CSMD1: variants seen among roughly 807,000 people sequenced by gnomAD.
CSMD1 encodes the protein CUB and Sushi multiple domains 1, also known as CUB and sushi domain-containing protein 1.
A neutral mutation model predicts 417.5 loss-of-function variants in CSMD1; 213 were observed. The observed-to-expected ratio is 0.51, with a 90% CI of 0.46 to 0.57. The LOEUF is 0.57. Among genes scored for constraint, CSMD1 ranks in the 20% least tolerant of loss-of-function variants. CSMD1 has a pLI of 0.00. For synonymous variants in CSMD1, 2,862 were observed against 1,736.8 expected, an observed-to-expected ratio of 1.65 and a Z score of -16.11; for missense variants, 6,923 against 4,529.7, an observed-to-expected ratio of 1.53 and a Z score of -15.17.
intron 6 of CSMD1, among the ~76,000 whole-genome samples, chr8:3,725,793 C>G (rs978253330): frequency 7.9e-5 from 12 of 152,136 alleles, no homozygotes; most frequent in Non-Finnish European, 1.5e-4. Flanking sequence ...AACCATTGAT[C>G]TAGGAATCTT....
chr8:4,490,719 A>G (rs946618484), intron 2 of CSMD1, among the ~76,000 whole-genome samples: 2 of 152,206 alleles, frequency 1.3e-5, no homozygotes, highest in African/African-American at 4.8e-5. Context: ...CATGGGAGAC[A>G]ACAGAGGCCA....
chr8:4,458,085 C>A (rs1799595009), intron 2 of CSMD1, among the ~76,000 whole-genome samples: 1 of 152,014 alleles, frequency 6.6e-6, no homozygotes, highest in Admixed American at 6.6e-5. Flanking sequence ...GTTTTTAACT[C>A]CTTATATACT....
intron 12 of CSMD1, among the ~76,000 whole-genome samples, chr8:3,426,621 C>G (rs76692982): frequency 6.6e-6 from 1 of 152,156 alleles, no homozygotes; most frequent in Non-Finnish European, 1.5e-5. Flanking sequence ...TTGACACTGC[C>G]ACTTTCAAGG....
chr8:3,506,594 C>G (rs1048189917), intron 10 of CSMD1, among the ~76,000 whole-genome samples: 4 of 152,284 alleles, frequency 2.6e-5, no homozygotes, highest in African/African-American at 9.6e-5. Context: ...CTCTAAATAT[C>G]TCTATGTCTC....
At chr8:3,764,596 G>A (rs193204063) in intron 5 of CSMD1, among the ~76,000 whole-genome samples, 156 of 152,160 alleles carry the variant, frequency 1.0e-3, no homozygotes, top group Middle Eastern at 6.8e-3. Context: ...TCTCTTGGAT[G>A]GCAGTTTCCT....
chr8:3,443,818 T>C (rs1168502313), intron 12 of CSMD1, among the ~76,000 whole-genome samples: 1 of 152,202 alleles, frequency 6.6e-6, no homozygotes, highest in Non-Finnish European at 1.5e-5. Flanking sequence ...AAAACCATTT[T>C]AGATTGTTTT....
intron 9 of CSMD1, among the ~76,000 whole-genome samples, chr8:3,581,439 G>A (rs1800378296): frequency 6.6e-6 from 1 of 152,174 alleles, no homozygotes; most frequent in Non-Finnish European, 1.5e-5. Context: ...CCCGTTCTCA[G>A]AGCTAATTAG....
At chr8:4,609,125 T>C (rs1283735577) in intron 2 of CSMD1, among the ~76,000 whole-genome samples, 1 of 152,176 alleles carries the variant, frequency 6.6e-6, no homozygotes. Context: ...ACTCGCCAGA[T>C]GCGCTGGCTC....
intron 5 of CSMD1, among the ~76,000 whole-genome samples, chr8:3,988,995 C>G (rs1353562971): frequency 1.3e-5 from 2 of 152,182 alleles, no homozygotes; most frequent in Non-Finnish European, 2.9e-5. Context: ...GAACTAGATA[C>G]AGGTAAAAAC....
intron 25 of CSMD1, among the ~76,000 whole-genome samples, chr8:3,301,314 G>A (rs1035780712): frequency 6.6e-6 from 1 of 152,076 alleles, no homozygotes; most frequent in African/African-American, 2.4e-5. Flanking sequence ...CAGGTGGTGG[G>A]CAGGGAGGAG....
chr8:3,960,510 A>T (rs1812252241), intron 5 of CSMD1, among the ~76,000 whole-genome samples: 2 of 152,178 alleles, frequency 1.3e-5, no homozygotes, highest in South Asian at 4.1e-4. Flanking sequence ...ATATTGAGAA[A>T]ATTTAAAAAT....
intron 5 of CSMD1, among the ~76,000 whole-genome samples, chr8:3,967,943 G>A (rs1421918323): frequency 3.3e-5 from 5 of 149,748 alleles, no homozygotes; most frequent in East Asian, 2.0e-4. Flanking sequence ...CGAGGTGTGC[G>A]GATCACGAGG....
chr8:3,371,984 A>G (rs1214268282), intron 18 of CSMD1, among the ~76,000 whole-genome samples: 1 of 152,238 alleles, frequency 6.6e-6, no homozygotes, highest in African/African-American at 2.4e-5. Flanking sequence ...GATTAATAAT[A>G]AGAGAGATAA....
chr8:3,683,743 A>G (rs1448744480), intron 7 of CSMD1, among the ~76,000 whole-genome samples: 1 of 152,164 alleles, frequency 6.6e-6, no homozygotes, highest in Non-Finnish European at 1.5e-5. Flanking sequence ...ACTCAAACCC[A>G]GGTCTCCAGA....
At chr8:4,471,077 C>T (rs1015075315) in intron 2 of CSMD1, among the ~76,000 whole-genome samples, 2 of 152,180 alleles carry the variant, frequency 1.3e-5, no homozygotes, top group Admixed American at 6.5e-5. Flanking sequence ...CAGTTAAAAT[C>T]TTTGACATAT....
chr8:4,240,154 C>T (rs938600052), intron 3 of CSMD1, among the ~76,000 whole-genome samples: 2 of 152,106 alleles, frequency 1.3e-5, no homozygotes, highest in African/African-American at 4.8e-5. Context: ...ATTATTTAAT[C>T]CCAGATTTCC....
chr8:4,901,129 T>C (rs762923845), intron 1 of CSMD1, among the ~76,000 whole-genome samples: 1 of 152,224 alleles, frequency 6.6e-6, no homozygotes, highest in Non-Finnish European at 1.5e-5. Flanking sequence ...TACACAGCAA[T>C]TGCATGTTCA....
rs555743622 is a variant in CSMD1 at position 4,219,134 on chromosome 8, T to C, written c.416-187035A>G. Among the ~76,000 whole-genome samples the C allele has an allele frequency of 3.6e-3, 549 of 152,318 alleles. 5 individuals carry two copies. Among genetic ancestry groups the C allele is most frequent in the Non-Finnish European group, 6.4e-3 (434 of 68,032 alleles). On this transcript the variant is annotated intron_variant, in intron 3 of 69. Transcript: ENST00000635120. Reference sequence around the variant, plus strand: ...TGATCAGACCCAGCCTCCTTTCATCTGTGCCCTTTTTGTAGCACCTGGTGT... The same window carrying C: ...TGATCAGACCCAGCCTCCTTTCATCCGTGCCCTTTTTGTAGCACCTGGTGT...
At chr8:4,174,055 G>A (rs960452512) in intron 3 of CSMD1, among the ~76,000 whole-genome samples, 5 of 152,150 alleles carry the variant, frequency 3.3e-5, no homozygotes, top group African/African-American at 9.7e-5. Flanking sequence ...GTTTAGGCCT[G>A]GGCCACCTGC....
Sources: gnomAD v4.1 joint callset for allele counts (sites outside exome capture counted in the v4.1 genomes callset) on GRCh38, gnomAD v4.1.1 for gene constraint, MANE v1.5 for transcripts, NCBI Gene and HGNC (gene_info 2026-07-23, HGNC 2026-07-21) for gene names.